Variants in SRBD1 observed in about 807,000 individuals in gnomAD.
SRBD1 encodes the protein S1 RNA binding domain 1.
SRBD1 carries 88 observed loss-of-function variants against 115.3 expected under a neutral mutation model. The ratio of observed to expected loss-of-function variants is 0.76; its 90% confidence interval spans 0.64 to 0.91. The LOEUF is 0.91. Among genes scored for constraint, SRBD1 ranks in the 40% least tolerant of loss-of-function variants. SRBD1 has a pLI of 0.00. For missense variants in SRBD1, 1,385 were observed against 1,177.4 expected, an observed-to-expected ratio of 1.18 and a Z score of -2.58; for synonymous variants, 509 against 407.7, an observed-to-expected ratio of 1.25 and a Z score of -2.99.
At chr2:45,398,141 A>G (rs921657305) in intron 19 of SRBD1, among the ~76,000 whole-genome samples, 32 of 152,200 alleles carry the variant, frequency 2.1e-4, no homozygotes, top group African/African-American at 7.0e-4. Flanking sequence ...ATCCAGTAGA[A>G]CTTACAGCTG....
At chr2:45,606,402 C>T (rs545339431) in intron 1 of SRBD1, among the ~76,000 whole-genome samples, 6 of 152,156 alleles carry the variant, frequency 3.9e-5, no homozygotes, top group East Asian at 3.9e-4. Context: ...TCAGGTGATC[C>T]GCCCACCTCG....
intron 14 of SRBD1, among the ~76,000 whole-genome samples, chr2:45,519,900 AACAAGGC>A (rs1157254981): frequency 6.6e-6 from 1 of 152,326 alleles, no homozygotes; most frequent in Non-Finnish European, 1.5e-5. Context: ...ATATGAGGAA[AACAAGGC>A]ACAGAAGGGT....
intron 1 of SRBD1, among the ~76,000 whole-genome samples, chr2:45,607,259 G>T (rs1674302122): frequency 6.6e-6 from 1 of 152,168 alleles, no homozygotes; most frequent in Admixed American, 6.5e-5. Flanking sequence ...GTTAGTGTAT[G>T]ACAAGGGTGG....
intron 16 of SRBD1, among the ~76,000 whole-genome samples, chr2:45,473,172 T>C (rs1231447155): frequency 6.6e-6 from 1 of 152,124 alleles, no homozygotes; most frequent in Non-Finnish European, 1.5e-5. Flanking sequence ...TTTTACATTT[T>C]ACTCTCATGA....
At position 45,517,897 on chromosome 2, in the gene SRBD1, G is replaced by A. The variant is rs139629635; in HGVS notation, c.1874+28835C>T. The stretch of plus-strand genomic sequence containing the variant: ...GTGCCTGTACTCCCAGCTACTCTGG[G>A]GGCTGAGGTTGGAGGATCCCTTGAG... On this transcript the variant is annotated intron_variant, in intron 14 of 20. Coordinates refer to ENST00000263736, the MANE Select transcript of SRBD1 (RefSeq NM_018079.5). Among the ~76,000 whole-genome samples the A allele has an allele frequency of 5.2e-3, 786 of 151,924 alleles. 3 individuals carry two copies. Among genetic ancestry groups the A allele is most frequent in the Middle Eastern group, 0.017 (5 of 294 alleles).
intron 15 of SRBD1, among the ~76,000 whole-genome samples, chr2:45,480,112 G>A (rs1473573730): frequency 3.3e-5 from 5 of 152,170 alleles, no homozygotes; most frequent in Non-Finnish European, 5.9e-5. Flanking sequence ...AAATATTAGT[G>A]CTCATTGACA....
intron 16 of SRBD1, among the ~76,000 whole-genome samples, chr2:45,470,175 TA>T (rs1323859626): frequency 6.6e-6 from 1 of 152,204 alleles, no homozygotes; most frequent in Non-Finnish European, 1.5e-5. Context: ...AGACCTAAAC[TA>T]AAACTCCATT....
In SRBD1 at chr2:45,419,902, G is replaced by C. The variant is rs374288819; in HGVS notation, c.2050-8C>G. 4.6e-5 allele frequency: 74 copies of C among 1,609,442 alleles called. No homozygotes were observed. The highest frequency in any genetic ancestry group is 6.0e-5 in the Non-Finnish European group (71 of 1,177,216). On this transcript the variant is annotated splice_region_variant and splice_polypyrimidine_tract_variant and intron_variant, in intron 16 of 20. Transcript: ENST00000263736. ...AGTCTGGGATACGTCATGCTGAAAA[G>C]ACAAAGATCAAATATTAACAGTGAA...
intron 18 of SRBD1, among the ~76,000 whole-genome samples, chr2:45,414,746 G>GTA (rs1339946592): frequency 2.7e-5 from 3 of 113,192 alleles, no homozygotes; most frequent in Admixed American, 9.6e-5. Flanking sequence ...TATATAGTAT[G>GTA]TACACACACA....
intron 14 of SRBD1, among the ~76,000 whole-genome samples, chr2:45,531,942 T>C (rs1671626921): frequency 6.6e-6 from 1 of 151,842 alleles, no homozygotes; most frequent in African/African-American, 2.4e-5. Flanking sequence ...ATTCTTTCTT[T>C]CACTAAAGTT....
rs951013423 is a variant in SRBD1, at chr2:45,482,623, C to T, written c.1967-5548G>A. On this transcript the variant is annotated intron_variant, in intron 15 of 20. Transcript: ENST00000263736. ...CTATTCACAACGTTAAACACACACA[C>T]ACACACACACACACACACACACAAA... Among the ~76,000 whole-genome samples, 14 of 151,522 alleles carry T rather than the reference C, an allele frequency of 9.2e-5. No individual in the cohort carries two copies. In the East Asian group the frequency reaches 2.7e-3, roughly 29 times the overall value.
intron 20 of SRBD1, among the ~76,000 whole-genome samples, chr2:45,391,082 T>G (rs1210863236): frequency 6.6e-6 from 1 of 152,154 alleles, no homozygotes; most frequent in East Asian, 1.9e-4. Context: ...CTCTCTCTCT[T>G]TTCTTGGGGA....
At chr2:45,499,475 T>C (rs1484044130) in intron 14 of SRBD1, among the ~76,000 whole-genome samples, 3 of 152,228 alleles carry the variant, frequency 2.0e-5, no homozygotes, top group Non-Finnish European at 2.9e-5. Context: ...GACTGTTTCC[T>C]TTGCTGTGCA....
rs56234861 is a variant in SRBD1 at position 45,598,430 on chromosome 2, C to A, written c.648+1019G>T. Among the ~76,000 whole-genome samples the A allele has an allele frequency of 3.3e-5, 5 of 151,552 alleles. No homozygotes were observed. In the South Asian group the frequency reaches 6.3e-4, roughly 19 times the overall value. On this transcript the variant is annotated intron_variant, in intron 4 of 20. Coordinates refer to ENST00000263736, the MANE Select transcript of SRBD1 (RefSeq NM_018079.5). ...CAGATCGAGACCATCCTGGCTAACA[C>A]GGTGAAACCCTGTCTCTACTAAAAA...
intron 7 of SRBD1, among the ~76,000 whole-genome samples, chr2:45,578,994 T>A (rs1442651374): frequency 6.6e-6 from 1 of 152,202 alleles, no homozygotes; most frequent in Non-Finnish European, 1.5e-5. Context: ...GTTAACTATA[T>A]AATTTTTTAA....
At chr2:45,392,381 T>C (rs2103813298) in intron 20 of SRBD1, among the ~76,000 whole-genome samples, 1 of 152,306 alleles carries the variant, frequency 6.6e-6, no homozygotes, top group Non-Finnish European at 1.5e-5. Flanking sequence ...GTAATTCTTT[T>C]TCACTGGGTC....
In SRBD1 at chr2:45,476,984, T is replaced by C. The variant is rs747309440; in HGVS notation, c.2049+9A>G. 3.1e-6 allele frequency: 5 copies of C among 1,612,640 alleles called. No homozygotes were observed. Among genetic ancestry groups the C allele is most frequent in the Non-Finnish European group, 4.2e-6 (5 of 1,179,166 alleles). On this transcript the variant is annotated intron_variant, in intron 16 of 20. Coordinates refer to ENST00000263736, the MANE Select transcript of SRBD1 (RefSeq NM_018079.5). ...GATTTCATAAATTAAATGATCCACA[T>C]AGCTTTACCTGATACATTCCAACTC... is the stretch of plus-strand genomic sequence containing the variant.
chr2:45,443,661 G>C (rs1668736500), intron 16 of SRBD1, among the ~76,000 whole-genome samples: 1 of 152,080 alleles, frequency 6.6e-6, no homozygotes, highest in African/African-American at 2.4e-5. Flanking sequence ...AACTTTGGCA[G>C]ACAGGCAGGG....
chr2:45,456,273 G>T (rs1669150140), intron 16 of SRBD1, among the ~76,000 whole-genome samples: 1 of 151,894 alleles, frequency 6.6e-6, no homozygotes, highest in Admixed American at 6.6e-5. Context: ...TATGTTTTAA[G>T]ATGACCTTGA....
Sources: allele counts gnomAD v4.1 joint callset (sites outside exome capture counted in the v4.1 genomes callset), GRCh38; gene constraint gnomAD v4.1.1; transcripts MANE v1.5; gene names NCBI Gene and HGNC (gene_info 2026-07-23, HGNC 2026-07-21).